GRIA1: variants seen among roughly 807,000 people sequenced by gnomAD.
GRIA1 encodes glutamate ionotropic receptor AMPA type subunit 1.
A neutral mutation model predicts 99.2 loss-of-function variants in GRIA1; 31 were observed. The observed-to-expected ratio is 0.31, with a 90% CI of 0.23 to 0.42. The LOEUF (loss-of-function observed/expected upper bound fraction) is 0.42. Among genes scored for constraint, GRIA1 ranks in the 10% least tolerant of loss-of-function variants. The pLI, the probability that GRIA1 is intolerant of heterozygous loss-of-function variation, is 1.00. For synonymous variants in GRIA1, 438 were observed against 432.4 expected, an observed-to-expected ratio of 1.01 and a Z score of -0.16; for missense variants, 782 against 1,157.5, an observed-to-expected ratio of 0.68 and a Z score of 4.71.
At chr5:153,741,345 G>T (rs543655446) in intron 11 of GRIA1, among the ~76,000 whole-genome samples, 77 of 152,190 alleles carry the variant, frequency 5.1e-4, no homozygotes, top group African/African-American at 1.8e-3. Context: ...ACAATATGGA[G>T]GTTCCTTAGA....
chr5:153,608,763 T>C (rs916591323), intron 2 of GRIA1, among the ~76,000 whole-genome samples: 3 of 152,246 alleles, frequency 2.0e-5, no homozygotes, highest in East Asian at 1.9e-4. Flanking sequence ...CTGTTCATTT[T>C]AATTTATGTT....
At chr5:153,795,116 C>A (rs1196584768) in intron 14 of GRIA1, among the ~76,000 whole-genome samples, 1 of 152,128 alleles carries the variant, frequency 6.6e-6, no homozygotes, top group Non-Finnish European at 1.5e-5. Context: ...GGCATGGAAG[C>A]AGATTCTGAG....
At chr5:153,647,378 C>G (rs1460566102) in intron 3 of GRIA1, among the ~76,000 whole-genome samples, 1 of 152,152 alleles carries the variant, frequency 6.6e-6, no homozygotes, top group African/African-American at 2.4e-5. Flanking sequence ...TGCACCATGT[C>G]ACTCTACAGC....
chr5:153,602,081 T>G (rs906489672), intron 2 of GRIA1, among the ~76,000 whole-genome samples: 3 of 151,978 alleles, frequency 2.0e-5, no homozygotes, highest in African/African-American at 7.3e-5. Flanking sequence ...ACATGCACAC[T>G]TATGTTTATT....
chr5:153,808,254 C>T (rs1368049678), intron 15 of GRIA1, among the ~76,000 whole-genome samples: 1 of 152,034 alleles, frequency 6.6e-6, no homozygotes, highest in African/African-American at 2.4e-5. Flanking sequence ...ATATCAGTTC[C>T]AAAAACACCA....
intron 2 of GRIA1, among the ~76,000 whole-genome samples, chr5:153,639,958 A>C (rs1753672177): frequency 6.6e-6 from 1 of 152,252 alleles, no homozygotes; most frequent in Admixed American, 6.5e-5. Context: ...CAGAGAGGAA[A>C]AATGCAGCCC....
At position 153,811,389 on chromosome 5, in the gene GRIA1, T is replaced by C. The variant is rs1204129967; in HGVS notation, c.*164T>C. 1.7e-6 allele frequency: 1 copy of C among 602,774 alleles called. No individual in the cohort carries two copies. The highest frequency in any genetic ancestry group is 1.9e-5 in the African/African-American group (1 of 53,782). The allele number at this position is 602,774 out of a possible 1,614,324, so 37.3% of individuals were successfully genotyped here. ...GTTTTCCTGAAGAATTGAAAAACCATTTTGCTGTCCCTTTTCCTTTTTTGA... is the reference window on the plus strand; with the variant it reads ...GTTTTCCTGAAGAATTGAAAAACCACTTTGCTGTCCCTTTTCCTTTTTTGA... On this transcript the variant is annotated 3_prime_UTR_variant, in exon 16 of 16. Transcript: ENST00000285900.
intron 11 of GRIA1, among the ~76,000 whole-genome samples, chr5:153,751,856 C>G (rs1449824584): frequency 6.6e-6 from 1 of 152,210 alleles, no homozygotes; most frequent in African/African-American, 2.4e-5. Flanking sequence ...CAAAAAGAGA[C>G]AGCCTGCTTC....
chr5:153,522,590 G>A (rs1211486551), intron 2 of GRIA1, among the ~76,000 whole-genome samples: 1 of 152,162 alleles, frequency 6.6e-6, no homozygotes, highest in African/African-American at 2.4e-5. Context: ...AGTGGGGAGA[G>A]GCATTGCTCC....
intron 2 of GRIA1, among the ~76,000 whole-genome samples, chr5:153,616,219 G>C (rs771039861): frequency 1.4e-4 from 21 of 152,178 alleles, no homozygotes; most frequent in Non-Finnish European, 2.1e-4. Context: ...CCCAGATTCA[G>C]TGTCACTTCT....
intron 2 of GRIA1, among the ~76,000 whole-genome samples, chr5:153,598,392 C>G (rs1038583813): frequency 6.6e-6 from 1 of 151,994 alleles, no homozygotes; most frequent in Non-Finnish European, 1.5e-5. Context: ...AAAATAAAAG[C>G]AAAGAGACTA....
intron 11 of GRIA1, among the ~76,000 whole-genome samples, chr5:153,757,696 C>T (rs1762923132): frequency 6.6e-6 from 1 of 152,102 alleles, no homozygotes; most frequent in East Asian, 1.9e-4. Flanking sequence ...TAAGCCTGTA[C>T]CCAGAAAAGC....
intron 11 of GRIA1, among the ~76,000 whole-genome samples, chr5:153,709,892 G>T (rs1355599185): frequency 6.6e-6 from 1 of 152,174 alleles, no homozygotes; most frequent in Non-Finnish European, 1.5e-5. Flanking sequence ...AGTAGGCAGG[G>T]TAGGAATCGA....
chr5:153,750,870 G>C (rs1762468320), intron 11 of GRIA1, among the ~76,000 whole-genome samples: 1 of 152,192 alleles, frequency 6.6e-6, no homozygotes, highest in South Asian at 2.1e-4. Flanking sequence ...GGCTGAGGCA[G>C]CCGGATCACG....
chr5:153,623,370 T>A lies in GRIA1; in HGVS notation c.221-23558T>A, dbSNP rs539504515. 3.3e-5 allele frequency among the ~76,000 whole-genome samples: 5 copies of A among 152,302 alleles called. No individual in the cohort carries two copies. The East Asian group carries it at 5.8e-4, about 18-fold the overall frequency. On this transcript the variant is annotated intron_variant, in intron 2 of 15. Transcript: ENST00000285900. ...GAAATCTGCGGTTGTTTCTTATTCATGTAAGAGTGTCTATGACTTCAAGGA... is the reference window on the plus strand; with the variant it reads ...GAAATCTGCGGTTGTTTCTTATTCAAGTAAGAGTGTCTATGACTTCAAGGA...
rs1766874721 is a variant in GRIA1 at position 153,812,369 on chromosome 5, GGT to G, written c.*1148_*1149del. ...GCTCACACAAAATAGAGCTTCCCAT[GGT>G]GTGCCCTATCCTAGGTTTAAGAAAA... On this transcript the variant is annotated 3_prime_UTR_variant, in exon 16 of 16. Transcript: ENST00000285900. 1 of 152,116 alleles carries G rather than the reference GGT, an allele frequency of 6.6e-6. No homozygotes were observed. The highest frequency in any genetic ancestry group is 6.5e-5 in the Admixed American group (1 of 15,274). The allele number at this position is 152,116 out of a possible 1,614,324, so 9.4% of individuals were successfully genotyped here.
At chr5:153,662,439 T>G (rs1441658323) in intron 5 of GRIA1, among the ~76,000 whole-genome samples, 1 of 152,182 alleles carries the variant, frequency 6.6e-6, no homozygotes, top group Non-Finnish European at 1.5e-5. Context: ...CTAAGCCTCA[T>G]AGATGGCCAC....
intron 2 of GRIA1, among the ~76,000 whole-genome samples, chr5:153,563,805 G>C (rs777553635): frequency 6.6e-6 from 1 of 152,122 alleles, no homozygotes; most frequent in African/African-American, 2.4e-5. Flanking sequence ...TTGCAGAAAG[G>C]CCCTTTCATC....
intron 2 of GRIA1, among the ~76,000 whole-genome samples, chr5:153,495,069 T>C (rs985140015): frequency 8.5e-5 from 13 of 152,174 alleles, no homozygotes; most frequent in African/African-American, 2.9e-4. Context: ...AGGCTATGCT[T>C]TGAAGTCTCA....
Sources: allele counts gnomAD v4.1 joint callset (sites outside exome capture counted in the v4.1 genomes callset), GRCh38; gene constraint gnomAD v4.1.1; transcripts MANE v1.5; gene names NCBI Gene and HGNC (gene_info 2026-07-23, HGNC 2026-07-21).